ADAMTSL3: variants seen among roughly 807,000 people sequenced by gnomAD.
ADAMTSL3 encodes the protein ADAMTS-like protein 3.
A neutral mutation model predicts 201.7 loss-of-function variants in ADAMTSL3; 128 were observed. The observed-to-expected ratio is 0.63, with a 90% confidence interval of 0.55 to 0.73. ADAMTSL3 has a LOEUF of 0.73. ADAMTSL3 is among the 30% of genes least tolerant of loss of function. ADAMTSL3 has a pLI of 0.00. For missense variants in ADAMTSL3, 1,990 were observed against 2,119.6 expected (o/e 0.94, Z 1.20); for synonymous variants, 738 against 748.4 (o/e 0.99, Z 0.23).
At chr15:83,674,180 A>G (rs1596004936) in intron 2 of ADAMTSL3, among the ~76,000 whole-genome samples, 1 of 150,556 alleles carries the variant, frequency 6.6e-6, no homozygotes, top group East Asian at 1.9e-4. Flanking sequence ...AGTCCTGAAG[A>G]TTTTCTCCTA....
chr15:83,928,752 C>T (rs571000760), intron 17 of ADAMTSL3, among the ~76,000 whole-genome samples: 1 of 152,294 alleles, frequency 6.6e-6, no homozygotes, highest in South Asian at 2.1e-4. Context: ...ATTACAACCA[C>T]AATTATGTTC....
chr15:83,961,393 AAAGTATTCAGAG>A (rs1396683343), intron 19 of ADAMTSL3, among the ~76,000 whole-genome samples: 1 of 152,212 alleles, frequency 6.6e-6, no homozygotes, highest in Non-Finnish European at 1.5e-5. Flanking sequence ...ATGGAACAGA[AAAGTATTCAGAG>A]ACAAAATAAG....
At chr15:83,774,836 G>A (rs1461313777) in intron 4 of ADAMTSL3, among the ~76,000 whole-genome samples, 19 of 151,278 alleles carry the variant, frequency 1.3e-4, no homozygotes, top group Admixed American at 1.1e-3. Flanking sequence ...ACACCCTGTG[G>A]GCAAGGGGAG....
chr15:83,711,388 A>G (rs942435037), intron 3 of ADAMTSL3, among the ~76,000 whole-genome samples: 3 of 152,172 alleles, frequency 2.0e-5, no homozygotes, highest in African/African-American at 7.2e-5. Flanking sequence ...TCTACTGGGT[A>G]TTTTCATCTT....
chr15:83,750,298 CTACTTAA>C (rs2062618503), intron 3 of ADAMTSL3, among the ~76,000 whole-genome samples: 1 of 152,156 alleles, frequency 6.6e-6, no homozygotes, highest in Non-Finnish European at 1.5e-5. Context: ...ACCTAAGTTT[CTACTTAA>C]ATAATAATGA....
At chr15:83,922,368 G>T (rs113374792) in intron 16 of ADAMTSL3, among the ~76,000 whole-genome samples, 42 of 151,942 alleles carry the variant, frequency 2.8e-4, no homozygotes, top group Non-Finnish European at 5.9e-4. Context: ...GTTATAATGG[G>T]GCTTTAAGGC....
chr15:83,657,646 A>G (rs889387766), intron 2 of ADAMTSL3, among the ~76,000 whole-genome samples: 3 of 152,266 alleles, frequency 2.0e-5, no homozygotes, highest in Non-Finnish European at 2.9e-5. Flanking sequence ...TAAGTGTACA[A>G]TAAATGTCAG....
At chr15:83,850,061 A>G (rs953042421) in intron 7 of ADAMTSL3, among the ~76,000 whole-genome samples, 6 of 152,296 alleles carry the variant, frequency 3.9e-5, no homozygotes, top group Admixed American at 2.0e-4. Flanking sequence ...ATGCACCATA[A>G]TACAAAAACT....
At chr15:83,658,861 C>T (rs1035900559) in intron 2 of ADAMTSL3, among the ~76,000 whole-genome samples, 4 of 152,032 alleles carry the variant, frequency 2.6e-5, no homozygotes, top group African/African-American at 4.8e-5. Context: ...TACAACGTGC[C>T]CCCCCTTTTT....
In ADAMTSL3 at chr15:83,733,869, G is replaced by A. The variant is rs77121931; in HGVS notation, c.189+29361G>A. On this transcript the variant is annotated intron_variant, in intron 3 of 29. Transcript: ENST00000286744. ...GATAATTTATTTGGCGTAGTGCCCAGTAAAAGCATGGAAGTGACTTGGACA... is the reference window on the plus strand; with the variant it reads ...GATAATTTATTTGGCGTAGTGCCCAATAAAAGCATGGAAGTGACTTGGACA... Among the ~76,000 whole-genome samples the A allele has an allele frequency of 2.7e-4, 41 of 152,264 alleles. No homozygotes were observed. The East Asian group carries it at 7.7e-3, about 29-fold the overall frequency.
At position 84,036,843 on chromosome 15, in the gene ADAMTSL3, T is replaced by G. The variant is rs2068517446; in HGVS notation, c.4825T>G (p.Cys1609Gly). 1.2e-6 allele frequency: 2 copies of G among 1,614,044 alleles called. No homozygotes were observed. The highest frequency in any genetic ancestry group is 1.1e-5 in the South Asian group (1 of 91,052). Residue 1609 changes from cysteine (C) to glycine (G), a missense_variant, in exon 29 of 30, where the codon TGT (cysteine) becomes GGT (glycine). By Grantham distance (159) the Cys-to-Gly change is radical. Coordinates refer to ENST00000286744, the MANE Select transcript of ADAMTSL3 (RefSeq NM_207517.3). ...TTGGCACACAGGCCCTTGGAAGCCC[T>G]GTACAGCAGCCTGTGGCAGGGGTTT... ...VCWHTGPWKP[C>G]TAACGRGFQS...
At chr15:83,861,282 A>C (rs866760535) in intron 8 of ADAMTSL3, among the ~76,000 whole-genome samples, 7 of 152,204 alleles carry the variant, frequency 4.6e-5, no homozygotes, top group African/African-American at 1.7e-4. Flanking sequence ...ACAGCTTTGA[A>C]GAGAGTAGTG....
intron 16 of ADAMTSL3, among the ~76,000 whole-genome samples, chr15:83,923,499 G>A (rs2066185980): frequency 6.6e-6 from 1 of 152,184 alleles, no homozygotes; most frequent in Non-Finnish European, 1.5e-5. Flanking sequence ...TTCTTATGAA[G>A]CTGATTCAAA....
intron 15 of ADAMTSL3, among the ~76,000 whole-genome samples, chr15:83,903,586 A>G (rs1391970588): frequency 6.7e-6 from 1 of 149,810 alleles, no homozygotes; most frequent in African/African-American, 2.5e-5. Context: ...AGGTCCCTTT[A>G]AAGTTCAGAA....
intron 5 of ADAMTSL3, among the ~76,000 whole-genome samples, chr15:83,809,580 T>C (rs2063659474): frequency 6.6e-6 from 1 of 152,236 alleles, no homozygotes; most frequent in South Asian, 2.1e-4. Context: ...TTTCTTTAAA[T>C]AGATCTGCCT....
At chr15:84,027,164 C>CA (rs2068325564) in intron 27 of ADAMTSL3, among the ~76,000 whole-genome samples, 1 of 152,158 alleles carries the variant, frequency 6.6e-6, no homozygotes, top group African/African-American at 2.4e-5. Context: ...AAATGCAAGT[C>CA]AAAACCACAA....
intron 6 of ADAMTSL3, among the ~76,000 whole-genome samples, chr15:83,828,883 A>T (rs971114776): frequency 2.6e-5 from 4 of 152,190 alleles, no homozygotes; most frequent in Non-Finnish European, 4.4e-5. Flanking sequence ...AGCCCACTTG[A>T]TCATGGTGGA....
chr15:83,953,394 A>C, intron 19 of ADAMTSL3, among the ~76,000 whole-genome samples: 1 of 141,756 alleles, frequency 7.1e-6, no homozygotes, highest in East Asian at 2.2e-4. Flanking sequence ...ACATTGTGTA[A>C]ACAAACACAC....
intron 2 of ADAMTSL3, among the ~76,000 whole-genome samples, chr15:83,658,884 A>G (rs1196211412): frequency 6.6e-6 from 1 of 151,966 alleles, no homozygotes; most frequent in African/African-American, 2.4e-5. Context: ...TCTCTTGCCC[A>G]TGAGAAGAAT....
Sources: gnomAD v4.1 joint callset for allele counts (sites outside exome capture counted in the v4.1 genomes callset) on GRCh38, gnomAD v4.1.1 for gene constraint, MANE v1.5 for transcripts, NCBI Gene and HGNC (gene_info 2026-07-23, HGNC 2026-07-21) for gene names.